Variants in STAU2 observed in about 807,000 individuals in gnomAD.
The protein encoded by STAU2 is staufen double-stranded RNA binding protein 2.
STAU2 carries 20 observed loss-of-function variants against 65.9 expected under a neutral mutation model. The observed-to-expected ratio is 0.30, with a 90% CI of 0.21 to 0.44. The LOEUF is 0.44. STAU2 is among the 20% of genes least tolerant of loss of function. STAU2 has a pLI of 1.00. For synonymous variants in STAU2, 232 were observed against 233.9 expected (o/e 0.99, Z 0.07); for missense variants, 558 against 683.9 (o/e 0.82, Z 2.05).
chr8:73,581,460 G>A (rs1250443273), intron 12 of STAU2, among the ~76,000 whole-genome samples: 1 of 152,112 alleles, frequency 6.6e-6, no homozygotes, highest in African/African-American at 2.4e-5. Flanking sequence ...GAGGGAGGAG[G>A]CATGGAAGGA....
chr8:73,746,272 A>G (rs1027817914), intron 1 of STAU2, among the ~76,000 whole-genome samples: 2 of 136,518 alleles, frequency 1.5e-5, no homozygotes, highest in African/African-American at 2.8e-5. Context: ...CAGCGCCCCC[A>G]GGCCCATTTC....
At chr8:73,611,404 G>T (rs1197451424) in intron 9 of STAU2, among the ~76,000 whole-genome samples, 1 of 152,078 alleles carries the variant, frequency 6.6e-6, no homozygotes, top group Non-Finnish European at 1.5e-5. Flanking sequence ...GAGGACCAGA[G>T]GAGTTCCTAA....
chr8:73,479,896 C>T (rs1820522590), intron 13 of STAU2, among the ~76,000 whole-genome samples: 1 of 152,012 alleles, frequency 6.6e-6, no homozygotes, highest in Non-Finnish European at 1.5e-5. Context: ...AAGCATCCCA[C>T]ACTGTCAGAT....
At chr8:73,683,762 T>TTCAAGATACAAAATAAACG (rs1416094720) in intron 5 of STAU2, among the ~76,000 whole-genome samples, 2 of 152,094 alleles carry the variant, frequency 1.3e-5, no homozygotes, top group Non-Finnish European at 2.9e-5. Context: ...TCAGTAAAGT[T>TTCAAGATACAAAATAAACG]TCAAGATACA....
chr8:73,626,345 G>A (rs1023543048), intron 6 of STAU2, among the ~76,000 whole-genome samples: 3 of 152,170 alleles, frequency 2.0e-5, no homozygotes, highest in African/African-American at 7.2e-5. Flanking sequence ...AGTGTTCCTT[G>A]TACCTGACAA....
intron 3 of STAU2, 127 bp downstream of exon 3, chr8:73,738,157 T>C: frequency 1.2e-6 from 1 of 817,074 alleles, no homozygotes; most frequent in South Asian, 1.5e-5. Flanking sequence ...GACTATACAG[T>C]AGGTAACTGC....
chr8:73,619,923 A>G (rs550340822), intron 6 of STAU2, among the ~76,000 whole-genome samples: 1 of 150,448 alleles, frequency 6.6e-6, no homozygotes, highest in Non-Finnish European at 1.5e-5. Flanking sequence ...TTCTTGAACT[A>G]CAGTTTTCTA....
chr8:73,480,468 G>A (rs75994851), intron 13 of STAU2, among the ~76,000 whole-genome samples: 3 of 152,220 alleles, frequency 2.0e-5, no homozygotes, highest in Admixed American at 6.5e-5. Context: ...GTGACAACAC[G>A]AAGAGGGATT....
chr8:73,476,678 C>T (rs10755955), intron 13 of STAU2, among the ~76,000 whole-genome samples: 91,961 of 152,082 alleles, frequency 0.6, 28,880 homozygotes, highest in East Asian at 0.91. Context: ...ACGTAAATAT[C>T]GAGGCAGACG....
intron 5 of STAU2, among the ~76,000 whole-genome samples, 150 bp downstream of exon 5, chr8:73,688,491 TGTGTGTGTGTGTG>T (rs1176516071): frequency 1.2e-4 from 1 of 8,656 alleles, no homozygotes; most frequent in Admixed American, 5.8e-4. Context: ...TATGCTACCG[TGTGTGTGTGTGTG>T]TGTGTGTGTG....
chr8:73,600,991 A>G (rs1486767722), intron 10 of STAU2, among the ~76,000 whole-genome samples: 1 of 152,258 alleles, frequency 6.6e-6, no homozygotes, highest in Admixed American at 6.5e-5. Context: ...ATAAAAGTTA[A>G]GTAAGTTTAT....
chr8:73,435,106 A>C (rs1189953673), intron 13 of STAU2, among the ~76,000 whole-genome samples: 2 of 151,690 alleles, frequency 1.3e-5, no homozygotes, highest in Non-Finnish European at 2.9e-5. Context: ...CCCCCCCTGG[A>C]CCTTCTGCCC....
chr8:73,459,770 G>A (rs1043265232), intron 13 of STAU2, among the ~76,000 whole-genome samples: 1 of 152,198 alleles, frequency 6.6e-6, no homozygotes, highest in African/African-American at 2.4e-5. Context: ...AAGGGCCCTG[G>A]TATGCTGCTG....
intron 12 of STAU2, among the ~76,000 whole-genome samples, chr8:73,560,008 A>C (rs899810945): frequency 5.9e-5 from 9 of 152,088 alleles, no homozygotes; most frequent in Non-Finnish European, 8.8e-5. Flanking sequence ...GTTTCTTCTT[A>C]AGATCAGTTT....
At chr8:73,589,076 G>A (rs1586069657) in intron 11 of STAU2, among the ~76,000 whole-genome samples, 3 of 152,266 alleles carry the variant, frequency 2.0e-5, no homozygotes, top group Admixed American at 6.5e-5. Context: ...CAGAGAAACT[G>A]TGAAAAAATC....
intron 11 of STAU2, among the ~76,000 whole-genome samples, chr8:73,591,869 T>G (rs1810800839): frequency 1.1e-5 from 1 of 94,068 alleles, no homozygotes; most frequent in Admixed American, 1.6e-4. Context: ...CCATACAGCG[T>G]GTATCCCAGA....
intron 13 of STAU2, chr8:73,550,118 C>G (rs1807225024): frequency 1.0e-6 from 1 of 985,322 alleles, no homozygotes; most frequent in Non-Finnish European, 1.2e-6. Context: ...TATTTTACAT[C>G]AATACCAGCT....
At chr8:73,680,336 A>C (rs1178993343) in intron 5 of STAU2, among the ~76,000 whole-genome samples, 1 of 152,090 alleles carries the variant, frequency 6.6e-6, no homozygotes, top group Admixed American at 6.5e-5. Context: ...GGAGTCCAGT[A>C]GCTCCACTGG....
At chr8:73,613,658 G>C (rs1209296845) in intron 9 of STAU2, 86 bp downstream of exon 9, 2 of 997,056 alleles carry the variant, frequency 2.0e-6, no homozygotes, top group Non-Finnish European at 2.9e-6. Flanking sequence ...TAAGTTCAGG[G>C]ATCTGCCTTA....
Sources: gnomAD v4.1 joint callset for allele counts (sites outside exome capture counted in the v4.1 genomes callset) on GRCh38, gnomAD v4.1.1 for gene constraint, MANE v1.5 for transcripts, NCBI Gene and HGNC (gene_info 2026-07-23, HGNC 2026-07-21) for gene names.